The following TMEM108 variants were observed in gnomAD, a reference collection of about 807,000 sequenced individuals.
The protein encoded by TMEM108 is cancer/testis antigen 124.
In TMEM108, 12 loss-of-function variants were observed where a neutral mutation model predicts 35.1. The observed-to-expected ratio is 0.34, with a 90% confidence interval of 0.22 to 0.55. The LOEUF (loss-of-function observed/expected upper bound fraction) is 0.55, where lower values mean the gene tolerates loss of function less well. Ranked by LOEUF, TMEM108 falls within the 20% of genes least tolerant of loss-of-function variation. TMEM108 has a pLI of 0.89. For synonymous variants in TMEM108, 287 were observed against 308.6 expected (o/e 0.93, Z 0.73); for missense variants, 680 against 753.3 (o/e 0.90, Z 1.14).
chr3:133,175,023 A>T (rs1945195075), intron 2 of TMEM108, among the ~76,000 whole-genome samples: 1 of 152,242 alleles, frequency 6.6e-6, no homozygotes, highest in African/African-American at 2.4e-5. Context: ...GAACTATGTG[A>T]CGAATGCACA....
At chr3:133,133,930 A>AT (rs1487126774) in intron 2 of TMEM108, among the ~76,000 whole-genome samples, 4 of 151,602 alleles carry the variant, frequency 2.6e-5, no homozygotes, top group African/African-American at 4.8e-5. Flanking sequence ...CCCCTGGCTA[A>AT]TTTTTTGTAT....
intron 2 of TMEM108, among the ~76,000 whole-genome samples, chr3:133,103,692 C>CCCT (rs1944116097): frequency 1.3e-5 from 2 of 152,162 alleles, no homozygotes; most frequent in Admixed American, 6.5e-5. Flanking sequence ...TCAGAATCCG[C>CCCT]TTTCTGGGCC....
At chr3:133,207,900 T>G (rs115299931) in intron 2 of TMEM108, among the ~76,000 whole-genome samples, 1 of 152,342 alleles carries the variant, frequency 6.6e-6, no homozygotes, top group African/African-American at 2.4e-5. Context: ...CTGTTTGAAC[T>G]AATGAGCTGT....
chr3:133,039,471 G>A (rs1292204865), intron 1 of TMEM108, among the ~76,000 whole-genome samples: 2 of 152,136 alleles, frequency 1.3e-5, no homozygotes, highest in Non-Finnish European at 2.9e-5. Flanking sequence ...TGGGAGTCCG[G>A]GGGAGATGGA....
chr3:133,367,820 C>T (rs2072543672), intron 3 of TMEM108, among the ~76,000 whole-genome samples: 1 of 152,176 alleles, frequency 6.6e-6, no homozygotes, highest in South Asian at 2.1e-4. Flanking sequence ...TAACCACTAG[C>T]CGCTGCCTCT....
chr3:133,056,750 G>A (rs1943470181), intron 2 of TMEM108, among the ~76,000 whole-genome samples: 1 of 152,140 alleles, frequency 6.6e-6, no homozygotes, highest in Non-Finnish European at 1.5e-5. Flanking sequence ...TGAAAACTAT[G>A]TTCATGGACA....
At chr3:133,059,801 A>G (rs889428378) in intron 2 of TMEM108, among the ~76,000 whole-genome samples, 2 of 152,092 alleles carry the variant, frequency 1.3e-5, no homozygotes, top group African/African-American at 4.8e-5. Flanking sequence ...TGTTTAATGC[A>G]TTTTTCCCCT....
At chr3:133,227,126 A>G (rs995993432) in intron 2 of TMEM108, among the ~76,000 whole-genome samples, 3 of 152,004 alleles carry the variant, frequency 2.0e-5, no homozygotes, top group South Asian at 2.1e-4. Flanking sequence ...GGACATGGCC[A>G]AACTATATCA....
chr3:133,271,061 A>T (rs1208311987), intron 3 of TMEM108, among the ~76,000 whole-genome samples: 1 of 152,138 alleles, frequency 6.6e-6, no homozygotes, highest in Non-Finnish European at 1.5e-5. Flanking sequence ...ACCTCAAATG[A>T]ACACGCTACC....
rs117615785 is a variant in TMEM108 at position 133,167,588 on chromosome 3, C to T, written c.-46-61678C>T. ...GAATTCGAGCATGGCACGGGTGGGC[C>T]GGCAGTGCTGGGGGACCTGGTGCAC... On this transcript the variant is annotated intron_variant, in intron 2 of 5. Coordinates refer to ENST00000321871, the MANE Select transcript of TMEM108 (RefSeq NM_023943.4). Among the ~76,000 whole-genome samples the T allele has an allele frequency of 1.3e-3, 205 of 152,336 alleles. 4 individuals are homozygous for T. In the East Asian group the frequency reaches 0.031, roughly 23 times the overall value.
intron 2 of TMEM108, among the ~76,000 whole-genome samples, chr3:133,192,403 A>G (rs1945512109): frequency 1.3e-5 from 2 of 152,204 alleles, no homozygotes; most frequent in Admixed American, 1.3e-4. Flanking sequence ...ACTAATGCAG[A>G]GGTAACTAAG....
At chr3:133,306,829 C>CGT (rs755833797) in intron 3 of TMEM108, among the ~76,000 whole-genome samples, 70 of 151,398 alleles carry the variant, frequency 4.6e-4, no homozygotes, top group African/African-American at 1.1e-3. Context: ...AGTAAACATA[C>CGT]GTGTGTGTGT....
intron 2 of TMEM108, among the ~76,000 whole-genome samples, chr3:133,169,110 C>T (rs1945089881): frequency 6.6e-6 from 1 of 152,222 alleles, no homozygotes; most frequent in African/African-American, 2.4e-5. Context: ...AAGAACCCAC[C>T]AATTCCAGAC....
intron 2 of TMEM108, among the ~76,000 whole-genome samples, chr3:133,173,057 G>A (rs759957438): frequency 1.2e-4 from 18 of 152,044 alleles, no homozygotes; most frequent in Non-Finnish European, 2.4e-4. Context: ...GCCCAGTCTC[G>A]GGTATGTCTT....
intron 2 of TMEM108, among the ~76,000 whole-genome samples, chr3:133,225,736 G>A (rs978436602): frequency 9.9e-5 from 15 of 151,758 alleles, no homozygotes; most frequent in African/African-American, 3.6e-4. Context: ...TTTAAAAAGA[G>A]TAATAATATA....
chr3:133,263,020 G>A (rs1243700533), intron 3 of TMEM108, among the ~76,000 whole-genome samples: 2 of 152,184 alleles, frequency 1.3e-5, no homozygotes, highest in Non-Finnish European at 2.9e-5. Flanking sequence ...CTCTGTTGCT[G>A]TAGATCATAG....
chr3:133,296,122 G>A (rs140914871), intron 3 of TMEM108, among the ~76,000 whole-genome samples: 1 of 152,218 alleles, frequency 6.6e-6, no homozygotes, highest in Non-Finnish European at 1.5e-5. Context: ...TTAATGTCTA[G>A]TTCAAACATT....
At chr3:133,277,317 GA>G (rs138083789) in intron 3 of TMEM108, among the ~76,000 whole-genome samples, 5 of 150,404 alleles carry the variant, frequency 3.3e-5, no homozygotes, top group South Asian at 4.2e-4. Flanking sequence ...AAATGGCTCA[GA>G]AAAAAAAATA....
chr3:133,086,197 C>T (rs1445595861), intron 2 of TMEM108, among the ~76,000 whole-genome samples: 2 of 152,142 alleles, frequency 1.3e-5, no homozygotes, highest in African/African-American at 4.8e-5. Context: ...TCCCTCTGTA[C>T]CTTGTGACCT....
Sources: allele counts gnomAD v4.1 joint callset (sites outside exome capture counted in the v4.1 genomes callset), GRCh38; gene constraint gnomAD v4.1.1; transcripts MANE v1.5; gene names NCBI Gene and HGNC (gene_info 2026-07-23, HGNC 2026-07-21).